The following CUX1 variants were observed in gnomAD, a reference collection of about 807,000 sequenced individuals.
The protein encoded by CUX1 is protein CASP.
CUX1 carries 31 observed loss-of-function variants against 158.8 expected under a neutral mutation model. The ratio of observed to expected loss-of-function variants is 0.20; its 90% CI spans 0.15 to 0.26. The LOEUF is 0.26. CUX1 is among the 10% of genes least tolerant of loss of function. CUX1 has a pLI of 1.00. For missense variants in CUX1, 1,589 were observed against 2,014.6 expected, an observed-to-expected ratio of 0.79 and a Z score of 4.04; for synonymous variants, 879 against 862.1, an observed-to-expected ratio of 1.02 and a Z score of -0.34.
At chr7:102,193,755 T>C in intron 12 of CUX1, 87 bp from the exon 13 acceptor site, 2 of 1,376,316 alleles carry the variant, frequency 1.5e-6, no homozygotes, top group Non-Finnish European at 2.0e-6. Context: ...TGAGCCAATA[T>C]CGCGCCACTG....
intron 12 of CUX1, among the ~76,000 whole-genome samples, chr7:102,190,771 G>A (rs1297872389): frequency 1.3e-5 from 2 of 152,082 alleles, no homozygotes; most frequent in African/African-American, 4.8e-5. Context: ...ATCCACAGAT[G>A]CCCTAGCCCT....
At chr7:101,860,321 C>T (rs562083017) in intron 1 of CUX1, among the ~76,000 whole-genome samples, 1 of 152,210 alleles carries the variant, frequency 6.6e-6, no homozygotes, top group East Asian at 1.9e-4. Context: ...ATCTCCGCCC[C>T]TGCCTACTCC....
chr7:102,263,472 C>CCACGT (rs1790566916), intron 14 of CUX1, among the ~76,000 whole-genome samples: 3 of 151,666 alleles, frequency 2.0e-5, no homozygotes, highest in Admixed American at 2.0e-4. Context: ...CACTGCCATG[C>CCACGT]CCAGCTAATT....
In CUX1 at chr7:102,199,875, T is replaced by C. The variant is rs573807178; in HGVS notation, c.1961-196T>C. Among the ~76,000 whole-genome samples, 8 of 152,254 alleles carry C rather than the reference T, an allele frequency of 5.3e-5. 1 individual carries two copies. The highest frequency in any genetic ancestry group is 1.2e-4 in the Non-Finnish European group (8 of 68,040). ...GAGTAACATTGACCGTAAGGTCAAA[T>C]GAGCAGGAAATCCCTCCTGCCCGGT... On this transcript the variant is annotated intron_variant, in intron 16 of 23. Coordinates refer to ENST00000292535, the MANE Select transcript of CUX1 (RefSeq NM_181552.4).
intron 1 of CUX1, among the ~76,000 whole-genome samples, chr7:101,907,918 G>A (rs911488415): frequency 4.6e-5 from 7 of 151,890 alleles, no homozygotes; most frequent in African/African-American, 1.7e-4. Context: ...CCAGGAATTC[G>A]AGACCAGCCA....
chr7:101,981,711 G>A lies in CUX1; in HGVS notation c.142-46387G>A, dbSNP rs111691127. On this transcript the variant is annotated intron_variant, in intron 2 of 23. Coordinates refer to ENST00000292535, the MANE Select transcript of CUX1 (RefSeq NM_181552.4). ...CTGCAACCTCCGCCTCCCTGGTTCA[G>A]GCGATTCTCCTGCCTCCGTCTCCTG... Among the ~76,000 whole-genome samples the A allele has an allele frequency of 2.4e-4, 36 of 152,060 alleles. 1 individual carries two copies. Among genetic ancestry groups the A allele is most frequent in the Middle Eastern group, 3.4e-3 (1 of 292 alleles).
chr7:102,185,883 AT>A (rs1793572543), intron 11 of CUX1, among the ~76,000 whole-genome samples: 1 of 151,928 alleles, frequency 6.6e-6, no homozygotes, highest in African/African-American at 2.4e-5. Flanking sequence ...GACCCCAGAG[AT>A]TTTTTTCTTT....
At chr7:101,823,687 C>A (rs976311501) in intron 1 of CUX1, among the ~76,000 whole-genome samples, 2 of 152,166 alleles carry the variant, frequency 1.3e-5, no homozygotes, top group Non-Finnish European at 2.9e-5. Context: ...TGTGTTTATT[C>A]AATAAGGAAA....
intron 20 of CUX1, among the ~76,000 whole-genome samples, chr7:102,209,571 T>A (rs570906702): frequency 1.3e-5 from 2 of 152,204 alleles, no homozygotes; most frequent in Non-Finnish European, 2.9e-5. Flanking sequence ...CTACAAATAT[T>A]TTTTTTTGTT....
intron 2 of CUX1, among the ~76,000 whole-genome samples, chr7:102,007,733 T>G (rs1373315679): frequency 6.6e-6 from 1 of 151,248 alleles, no homozygotes; most frequent in African/African-American, 2.4e-5. Context: ...TCTGGTGTTT[T>G]TTTTGTTTTG....
exon 19 of CUX1, chr7:102,280,105 C>T (rs1791948135): frequency 6.2e-7 from 1 of 1,609,884 alleles, no homozygotes. Context: ...ACCCCTTCTC[C>T]TCCTTCAGCA....
chr7:102,132,133 G>A (rs971399168), intron 8 of CUX1, among the ~76,000 whole-genome samples: 1 of 143,004 alleles, frequency 7.0e-6, no homozygotes, highest in Non-Finnish European at 1.5e-5. Context: ...GCTTTGTGGA[G>A]ATGGATGGGC....
intron 1 of CUX1, among the ~76,000 whole-genome samples, chr7:101,912,828 T>C (rs1167388905): frequency 6.6e-6 from 1 of 152,150 alleles, no homozygotes; most frequent in African/African-American, 2.4e-5. Flanking sequence ...TGGAGGAGGT[T>C]GGGTCCAGGT....
chr7:102,165,925 A>G (rs1790979955), intron 9 of CUX1, among the ~76,000 whole-genome samples: 1 of 152,134 alleles, frequency 6.6e-6, no homozygotes. Flanking sequence ...CTTGACTCTA[A>G]CAGGAAGAAT....
intron 1 of CUX1, among the ~76,000 whole-genome samples, chr7:101,858,333 C>T (rs945472833): frequency 5.9e-5 from 9 of 152,128 alleles, no homozygotes; most frequent in Admixed American, 3.9e-4. Flanking sequence ...TAGAGGCCGA[C>T]TTTGGTTTGT....
At chr7:102,163,034 G>T (rs542985676) in intron 9 of CUX1, among the ~76,000 whole-genome samples, 5 of 152,172 alleles carry the variant, frequency 3.3e-5, no homozygotes. Flanking sequence ...CTAGGATTTC[G>T]TGAAGCTACA....
At chr7:102,227,852 A>G (rs1586331058) in intron 21 of CUX1, among the ~76,000 whole-genome samples, 183 bp downstream of exon 21, 1 of 148,758 alleles carries the variant, frequency 6.7e-6, no homozygotes, top group African/African-American at 2.5e-5. Context: ...GTCAGTCCCC[A>G]CCTCCTCCCC....
At chr7:102,160,874 C>T (rs1194287616) in intron 9 of CUX1, among the ~76,000 whole-genome samples, 4 of 152,126 alleles carry the variant, frequency 2.6e-5, no homozygotes, top group East Asian at 1.9e-4. Flanking sequence ...TGCACAACCA[C>T]GTAAACGTCC....
chr7:102,067,118 C>T (rs1010869394), intron 3 of CUX1, among the ~76,000 whole-genome samples: 14 of 152,012 alleles, frequency 9.2e-5, no homozygotes, highest in African/African-American at 2.9e-4. Flanking sequence ...ATCCCACACC[C>T]TTCAGTTGGC....
Sources: gnomAD v4.1 joint callset for allele counts (sites outside exome capture counted in the v4.1 genomes callset) on GRCh38, gnomAD v4.1.1 for gene constraint, MANE v1.5 for transcripts, NCBI Gene and HGNC (gene_info 2026-07-23, HGNC 2026-07-21) for gene names.